The following STAMBP variants were observed in gnomAD, a reference collection of about 807,000 sequenced individuals.
STAMBP encodes the protein STAM binding protein.
Under a neutral mutation model 50.7 loss-of-function variants are expected in STAMBP, and 31 were observed. The observed-to-expected ratio is 0.61, with a 90% CI of 0.46 to 0.83. The LOEUF (loss-of-function observed/expected upper bound fraction) is 0.83. Among genes scored for constraint, STAMBP ranks in the 40% least tolerant of loss-of-function variants. The probability of loss-of-function intolerance (pLI) is 0.00; values close to 1 mark genes in which losing one functional copy is unlikely to be tolerated. For synonymous variants in STAMBP, 211 were observed against 192.4 expected, an observed-to-expected ratio of 1.10 and a Z score of -0.80; for missense variants, 472 against 518.9, an observed-to-expected ratio of 0.91 and a Z score of 0.88.
At chr2:73,849,590 T>G in intron 6 of STAMBP, 103 bp downstream of exon 6, 2 of 1,439,876 alleles carry the variant, frequency 1.4e-6, no homozygotes, top group Non-Finnish European at 1.8e-6. Flanking sequence ...TCAGTTACTC[T>G]TTGTACCAAG....
intron 2 of STAMBP, among the ~76,000 whole-genome samples, chr2:73,836,722 TG>T (rs1298401227): frequency 4.6e-5 from 7 of 152,146 alleles, no homozygotes; most frequent in African/African-American, 1.7e-4. Context: ...GCTCAGAGGG[TG>T]GCCTCAGCTG....
chr2:73,869,451 G>A (rs975556160), downstream of STAMBP, among the ~76,000 whole-genome samples: 3 of 152,126 alleles, frequency 2.0e-5, no homozygotes, highest in South Asian at 2.1e-4. Flanking sequence ...AAGATGCTAC[G>A]TCTTCTTTAA....
intron 2 of STAMBP, 65 bp from the exon 3 acceptor site, chr2:73,844,748 T>C (rs994490113): frequency 5.0e-6 from 7 of 1,408,502 alleles, no homozygotes; most frequent in Non-Finnish European, 6.9e-6. Flanking sequence ...GGGGGTTGCA[T>C]AGCTTTAGGG....
intron 1 of STAMBP, among the ~76,000 whole-genome samples, 167 bp from the exon 2 acceptor site, chr2:73,830,678 G>T (rs1236518018): frequency 6.6e-6 from 1 of 152,220 alleles, no homozygotes; most frequent in African/African-American, 2.4e-5. Flanking sequence ...GGGCTTCCTT[G>T]AGGGTCTCAG....
intron 2 of STAMBP, among the ~76,000 whole-genome samples, chr2:73,843,667 T>C (rs1040319341): frequency 6.6e-6 from 1 of 152,132 alleles, no homozygotes; most frequent in South Asian, 2.1e-4. Flanking sequence ...TCAAGTTGGA[T>C]CAAAATGAAA....
chr2:73,857,232 C>G (rs17009404), intron 7 of STAMBP, among the ~76,000 whole-genome samples: 1 of 151,962 alleles, frequency 6.6e-6, no homozygotes, highest in African/African-American at 2.4e-5. Flanking sequence ...TTTAATGGCC[C>G]GATGTCTTGA....
At chr2:73,861,243 T>A (rs1236815983) in intron 9 of STAMBP, among the ~76,000 whole-genome samples, 2 of 152,250 alleles carry the variant, frequency 1.3e-5, no homozygotes, top group African/African-American at 4.8e-5. Flanking sequence ...AAAACTGTGA[T>A]GAATTCAGTA....
chr2:73,852,983 T>C (rs1677060406), intron 7 of STAMBP, among the ~76,000 whole-genome samples: 1 of 151,262 alleles, frequency 6.6e-6, no homozygotes, highest in South Asian at 2.1e-4. Flanking sequence ...GGTTTCACTA[T>C]GTTGGCCAGG....
At chr2:73,844,956 AAGT>A (rs1675877537) in intron 3 of STAMBP, 68 bp downstream of exon 3, 14 of 1,575,812 alleles carry the variant, frequency 8.9e-6, no homozygotes, top group South Asian at 7.0e-5. Flanking sequence ...TTCAAGATAA[AAGT>A]AGTAGTCTCT....
At chr2:73,841,314 T>C (rs1406995049) in intron 2 of STAMBP, among the ~76,000 whole-genome samples, 1 of 152,210 alleles carries the variant, frequency 6.6e-6, no homozygotes, top group Admixed American at 6.5e-5. Flanking sequence ...CCCAAACCTG[T>C]ATATGATGCT....
chr2:73,835,845 T>C (rs1011719261), intron 2 of STAMBP, among the ~76,000 whole-genome samples: 1 of 152,066 alleles, frequency 6.6e-6, no homozygotes, highest in Non-Finnish European at 1.5e-5. Context: ...CTGTGAGATA[T>C]CCAAGTAGAG....
chr2:73,841,798 A>G (rs1029678310), intron 2 of STAMBP, among the ~76,000 whole-genome samples: 8 of 152,200 alleles, frequency 5.3e-5, no homozygotes, highest in Admixed American at 3.9e-4. Flanking sequence ...AGCCAGCCCT[A>G]CTAACCACTA....
chr2:73,846,286 C>T (rs906812460), intron 4 of STAMBP, among the ~76,000 whole-genome samples: 3 of 151,734 alleles, frequency 2.0e-5, no homozygotes, highest in Non-Finnish European at 2.9e-5. Flanking sequence ...ATAAAAATTT[C>T]AGAGGCCTCA....
In STAMBP at chr2:73,855,593, A is replaced by G. The variant is rs73948199; in HGVS notation, c.1006-3661A>G. ...GTGTTGGCACAGGCCACTGCTCTTT[A>G]GCAGCCTAAAGGATTATATTCTCAT... is the stretch of plus-strand genomic sequence containing the variant. On this transcript the variant is annotated intron_variant, in intron 7 of 9. Transcript: ENST00000394070. The G allele has an allele frequency of 7.7e-3, 3,497 of 456,088 alleles. 91 individuals carry two copies. Among genetic ancestry groups the G allele is most frequent in the African/African-American group, 0.063 (3,165 of 50,190 alleles). 28.3% of individuals were successfully genotyped at this position (456,088 alleles called of 1,614,324 possible).
chr2:73,851,651 T>G (rs2104561395), intron 7 of STAMBP, among the ~76,000 whole-genome samples: 1 of 151,948 alleles, frequency 6.6e-6, no homozygotes, highest in East Asian at 1.9e-4. Context: ...TTTTTTTTTT[T>G]TTTTTGAGAC....
At position 73,866,593 on chromosome 2, in the gene STAMBP, A is replaced by C. The variant is rs36031378; in HGVS notation, c.*4334A>C. On this transcript the variant is annotated 3_prime_UTR_variant, in exon 10 of 10. Transcript: ENST00000394070. The stretch of plus-strand genomic sequence containing the variant: ...CTGTGTCCTAGCCTGGAGAAGCTCT[A>C]TGTCACCTTGTAGGAAGCCATCTGA... The C allele has an allele frequency of 6.6e-6, 1 of 152,164 alleles. No individual in the cohort carries two copies. Among genetic ancestry groups the C allele is most frequent in the Non-Finnish European group, 1.5e-5 (1 of 68,040 alleles). 9.4% of individuals were successfully genotyped at this position (152,164 alleles called of 1,614,324 possible).
chr2:73,831,739 A>T (rs1024975072), intron 2 of STAMBP, among the ~76,000 whole-genome samples: 2 of 152,166 alleles, frequency 1.3e-5, no homozygotes, highest in East Asian at 1.9e-4. Flanking sequence ...AGGACTTTTT[A>T]AAAAATAATT....
chr2:73,849,987 G>A (rs917541310), intron 6 of STAMBP, among the ~76,000 whole-genome samples: 11 of 152,226 alleles, frequency 7.2e-5, no homozygotes, highest in Admixed American at 7.2e-4. Flanking sequence ...ATGAAGTAGA[G>A]TAAATGTAAG....
chr2:73,872,561 C>T (rs939862687), intron 10 of STAMBP, among the ~76,000 whole-genome samples: 1 of 152,140 alleles, frequency 6.6e-6, no homozygotes, highest in Admixed American at 6.5e-5. Flanking sequence ...GATAAAGGAG[C>T]CCTACTCTCA....
Sources: gnomAD v4.1 joint callset for allele counts (sites outside exome capture counted in the v4.1 genomes callset) on GRCh38, gnomAD v4.1.1 for gene constraint, MANE v1.5 for transcripts, NCBI Gene and HGNC (gene_info 2026-07-23, HGNC 2026-07-21) for gene names.